TTLL4: variants seen among roughly 807,000 people sequenced by gnomAD.
TTLL4 encodes tubulin monoglutamylase TTLL4.
TTLL4 carries 85 observed loss-of-function variants against 122.7 expected under a neutral mutation model. That is an observed-to-expected ratio of 0.69 (90% CI 0.58 to 0.83). The LOEUF (loss-of-function observed/expected upper bound fraction) is 0.83, where lower values mean the gene tolerates loss of function less well. Among genes scored for constraint, TTLL4 ranks in the 40% least tolerant of loss-of-function variants. The pLI is 0.00. For missense variants in TTLL4, 1,363 were observed against 1,488.6 expected (o/e 0.92, Z 1.39); for synonymous variants, 553 against 563.0 (o/e 0.98, Z 0.25).
chr2:218,740,578 T>A lies in TTLL4; in HGVS notation c.1655T>A (p.Ile552Asn). 6.2e-7 allele frequency: 1 copy of A among 1,614,162 alleles called. No individual in the cohort carries two copies. Among genetic ancestry groups the A allele is most frequent in the Non-Finnish European group, 8.5e-7 (1 of 1,180,030 alleles). ...AVSPSESVAM[I>N]SRSCMEILTK... Reference sequence around the variant, plus strand: ...TCCCCCAGCGAATCGGTGGCCATGATCTCTAGGTAAGTGTGGCTGTATAGA... The same window carrying A: ...TCCCCCAGCGAATCGGTGGCCATGAACTCTAGGTAAGTGTGGCTGTATAGA... The change falls in exon 5 of 20, where the codon ATC (isoleucine) becomes AAC (asparagine). Residue 552 changes from isoleucine to asparagine, a missense_variant. Physicochemically the swap from Ile to Asn is moderately radical, Grantham distance 149 (BLOSUM62 -3). This residue lies in a region of TTLL4 where 760 missense variants were observed against 808.4 expected (regional missense o/e 0.94). Coordinates refer to ENST00000392102, the MANE Select transcript of TTLL4 (RefSeq NM_014640.5).
intron 5 of TTLL4, among the ~76,000 whole-genome samples, chr2:218,744,728 T>G (rs1402240768): frequency 6.6e-6 from 1 of 152,200 alleles, no homozygotes; most frequent in East Asian, 1.9e-4. Flanking sequence ...ACATCATTCT[T>G]TTCTCTCATT....
chr2:218,748,068 ACCATC>A, intron 11 of TTLL4, 32 bp from the exon 12 acceptor site: 1 of 1,613,760 alleles, frequency 6.2e-7, no homozygotes, highest in South Asian at 1.1e-5. Context: ...CTGCTCTGTT[ACCATC>A]TTACCTCTGC....
Position 218,747,248 on chromosome 2 carries a change from G to A in TTLL4, c.2167-42G>A, listed in dbSNP as rs1942869464. ...ATGGTCTGTGAGTGGGAACAACAGA[G>A]TATTGGACCTGGAGCAAATCTCATC... On this transcript the variant is annotated intron_variant, in intron 9 of 19. Transcript: ENST00000392102. This position sits in a 1 kb window ranked among gnomAD's most constrained non-coding sequence, Gnocchi z 4.7. 6.2e-7 allele frequency: 1 copy of A among 1,614,156 alleles called. No individual in the cohort carries two copies. The highest frequency in any genetic ancestry group is 1.7e-5 in the Admixed American group (1 of 60,028).
At position 218,747,158 on chromosome 2, in the gene TTLL4, G is replaced by A; in HGVS notation, c.2130G>A (p.Trp710Ter). The A allele has an allele frequency of 6.2e-7, 1 of 1,614,196 alleles. No homozygotes were observed. The highest frequency in any genetic ancestry group is 8.5e-7 in the Non-Finnish European group (1 of 1,180,040). The part of the protein sequence containing the change: ...PQDAKLLRKA[W>*]ESSSRQKWIV... The stretch of plus-strand genomic sequence containing the variant: ...ACGCCAAGCTCCTGCGCAAAGCGTG[G>A]GAGAGCAGCAGCCGCCAAAAGTGGA... Residue 710 changes from tryptophan (W) to a stop codon, truncating the protein, a stop_gained, in exon 9 of 20, where the codon TGG becomes TGA. Coordinates refer to ENST00000392102, the MANE Select transcript of TTLL4 (RefSeq NM_014640.5). LOFTEE classifies it high-confidence loss of function. This position sits in a 1 kb window ranked among gnomAD's most constrained non-coding sequence, Gnocchi z 4.7.
intron 1 of TTLL4, among the ~76,000 whole-genome samples, chr2:218,714,511 T>G (rs1311998102): frequency 1.3e-5 from 2 of 152,196 alleles, no homozygotes; most frequent in Non-Finnish European, 2.9e-5. Context: ...CTTTAATGCC[T>G]TTTACTTCTT....
chr2:218,740,482 C>G (rs1942668448), intron 4 of TTLL4, 39 bp from the exon 5 acceptor site: 2 of 1,607,972 alleles, frequency 1.2e-6, no homozygotes, highest in Non-Finnish European at 1.7e-6. Context: ...GTGCTGCAGC[C>G]TCTTCTAGTC....
intron 1 of TTLL4, among the ~76,000 whole-genome samples, chr2:218,724,599 GGGA>G (rs1159065139): frequency 6.6e-6 from 1 of 152,114 alleles, no homozygotes; most frequent in African/African-American, 2.4e-5. Context: ...TGCAAATGAT[GGGA>G]GTTCATTCTT....
Position 218,747,425 on chromosome 2 carries a change from A to G in TTLL4, c.2249+53A>G. 6.9e-6 allele frequency: 11 copies of G among 1,598,296 alleles called. No individual in the cohort carries two copies. The South Asian group carries it at 1.2e-4, about 18-fold the overall frequency. On this transcript the variant is annotated intron_variant, in intron 10 of 19. Coordinates refer to ENST00000392102, the MANE Select transcript of TTLL4 (RefSeq NM_014640.5). This position sits in a 1 kb window ranked among gnomAD's most constrained non-coding sequence, Gnocchi z 4.7. ...CCATCCTCCCACCTCCTTGGCCTCG[A>G]GGTTCCCTTCTTACAATGTTCTGCC... is the stretch of plus-strand genomic sequence containing the variant.
downstream of TTLL4, among the ~76,000 whole-genome samples, chr2:218,756,912 A>G (rs1943163919): frequency 6.6e-6 from 1 of 152,316 alleles, no homozygotes; most frequent in South Asian, 2.1e-4. Context: ...GTTTCTTAGA[A>G]GAAATAGTAA....
intron 1 of TTLL4, among the ~76,000 whole-genome samples, chr2:218,721,899 G>A (rs142177470): frequency 0.02 from 3,052 of 152,210 alleles, 50 homozygotes; most frequent in Non-Finnish European, 0.027. Flanking sequence ...TGAGGCAAGA[G>A]GATCACTTGA....
At chr2:218,756,264 C>A (rs1575188373), downstream of TTLL4, among the ~76,000 whole-genome samples, 1 of 152,104 alleles carries the variant, frequency 6.6e-6, no homozygotes, top group Non-Finnish European at 1.5e-5. Flanking sequence ...CTGAGAATCC[C>A]TGTACAACAC....
At chr2:218,753,090 C>T in intron 17 of TTLL4, 25 bp from the exon 18 acceptor site, 6 of 1,614,074 alleles carry the variant, frequency 3.7e-6, no homozygotes, top group Non-Finnish European at 5.1e-6. Flanking sequence ...TTCTTAAACC[C>T]CAACTCCTGC....
In TTLL4 at chr2:218,745,744, G is replaced by A; in HGVS notation, c.1840G>A (p.Val614Met). 6.2e-7 allele frequency: 1 copy of A among 1,613,544 alleles called. No individual in the cohort carries two copies. ...RKLLRWKMST[V>M]TPNIVKQTIG... ...GTTGCTCCGATGGAAGATGAGCACAGTGACCCCCAACATTGTCAAGCAGAC... is the reference window on the plus strand; with the variant it reads ...GTTGCTCCGATGGAAGATGAGCACAATGACCCCCAACATTGTCAAGCAGAC... Residue 614 changes from valine to methionine, a missense_variant, in exon 7 of 20, where the codon GTG becomes ATG. Physicochemically the swap from Val to Met is conservative, Grantham distance 21. Around this residue, in one of 3 missense-constraint regions of TTLL4, gnomAD observed 760 missense variants for 808.4 expected, o/e 0.94. Coordinates refer to ENST00000392102, the MANE Select transcript of TTLL4 (RefSeq NM_014640.5).
At chr2:218,748,276 G>GGGTTCTGGGGTTTTGGGA in intron 12 of TTLL4, 49 bp downstream of exon 12, 2 of 1,607,976 alleles carry the variant, frequency 1.2e-6, no homozygotes, top group African/African-American at 1.3e-5. Flanking sequence ...GAGGAATACA[G>GGGTTCTGGGGTTTTGGGA]GGTTCTGGGG....
Position 218,754,145 on chromosome 2 carries a change from C to T in TTLL4, c.3356C>T (p.Ser1119Phe). 2 of 1,614,178 alleles carry T rather than the reference C, an allele frequency of 1.2e-6. No homozygotes were observed. The highest frequency in any genetic ancestry group is 1.1e-5 in the South Asian group (1 of 91,086). ...SETSKLGKQS[S>F]CEVSLLLSED... is the part of the protein sequence containing the mutation. ...CCTATTCCCTCCAGAAAACAAAGCT[C>T]CTGTGAGGTTAGCCTACTACTCTCT... Residue 1119 changes from serine to phenylalanine, a missense_variant, in exon 20 of 20, where the codon TCC becomes TTC. Transcript: ENST00000392102.
rs1175478326 is a variant in TTLL4, at chr2:218,747,614, A to G, written c.2267A>G (p.Tyr756Cys). 3 of 1,614,050 alleles carry G rather than the reference A, an allele frequency of 1.9e-6. No individual in the cohort carries two copies. Among genetic ancestry groups the G allele is most frequent in the African/African-American group, 1.3e-5 (1 of 75,024 alleles). Residue 756 changes from tyrosine (Y) to cysteine (C), a missense_variant, in exon 11 of 20, where the codon TAC (tyrosine) becomes TGC (cysteine). Around this residue, in one of 3 missense-constraint regions of TTLL4, gnomAD observed 596 missense variants for 655.8 expected, o/e 0.91. Coordinates refer to ENST00000392102, the MANE Select transcript of TTLL4 (RefSeq NM_014640.5). The surrounding 1 kb of genome is among the most constrained non-coding windows in gnomAD (Gnocchi z 4.7). ...CTATGTAGGTATCTACACAAACCCT[A>G]CCTCATCAGCGGCAGCAAGTTTGAC... is the stretch of plus-strand genomic sequence containing the variant. ...LLVQRYLHKP[Y>C]LISGSKFDLR...
chr2:218,738,466 C>T lies in TTLL4; in HGVS notation c.790C>T (p.Gln264Ter), dbSNP rs1311568927. 2 of 1,614,230 alleles carry T rather than the reference C, an allele frequency of 1.2e-6. No homozygotes were observed. The highest frequency in any genetic ancestry group is 1.3e-5 in the African/African-American group (1 of 75,052). ...AGGGGGTACTGGAGACTGTGCACCG[C>T]AGCCTGTTGACCATAAGGTGCCCAA... ...HSGGTGDCAP[Q>*]PVDHKVPKSI... The change falls in exon 3 of 20, where the codon CAG (glutamine) becomes TAG (stop). Residue 264 changes from glutamine (Q) to a stop codon, truncating the protein, a stop_gained. Transcript: ENST00000392102. LOFTEE classifies it high-confidence loss of function.
rs1232395272 is a variant in TTLL4 at position 218,755,017 on chromosome 2, C to T, written c.*628C>T. The T allele has an allele frequency of 6.5e-6, 1 of 153,326 alleles. No individual in the cohort carries two copies. The highest frequency in any genetic ancestry group is 1.5e-5 in the Non-Finnish European group (1 of 68,900). 9.5% of individuals were successfully genotyped at this position (153,326 alleles called of 1,614,324 possible). ...CCTAGGTCTTCCTGTTCTGACCCCC[C>T]ATCACTGCTCGTTCAGCCTTCTAGA... On this transcript the variant is annotated 3_prime_UTR_variant, in exon 20 of 20. Transcript: ENST00000392102.
intron 1 of TTLL4, among the ~76,000 whole-genome samples, chr2:218,712,572 A>G (rs970463415): frequency 1.3e-5 from 2 of 152,062 alleles, no homozygotes; most frequent in Non-Finnish European, 2.9e-5. Context: ...ATTTTTTAGT[A>G]GAGACGGGGT....
Sources: allele counts gnomAD v4.1 joint callset (sites outside exome capture counted in the v4.1 genomes callset), GRCh38; gene constraint gnomAD v4.1.1; regional missense constraint gnomAD v4.1.1; non-coding constraint Gnocchi (gnomAD v3.1); transcripts MANE v1.5; gene names NCBI Gene and HGNC (gene_info 2026-07-23, HGNC 2026-07-21).